HSD17B12: variants seen among roughly 807,000 people sequenced by gnomAD.
HSD17B12 encodes the protein hydroxysteroid 17-beta dehydrogenase 12, also known as very-long-chain 3-oxoacyl-CoA reductase.
HSD17B12 carries 32 observed loss-of-function variants against 39.3 expected under a neutral mutation model. The observed-to-expected ratio is 0.81, with a 90% CI of 0.61 to 1.09. The LOEUF is 1.09. HSD17B12 is among the 50% of genes least tolerant of loss of function. The probability of loss-of-function intolerance (pLI) is 0.00; values close to 1 mark genes in which losing one functional copy is unlikely to be tolerated. For synonymous variants in HSD17B12, 150 were observed against 146.7 expected (o/e 1.02, Z -0.16); for missense variants, 342 against 382.9 (o/e 0.89, Z 0.89).
chr11:43,847,618 A>G (rs1249375894), intron 9 of HSD17B12, among the ~76,000 whole-genome samples: 1 of 151,018 alleles, frequency 6.6e-6, no homozygotes, highest in Non-Finnish European at 1.5e-5. Flanking sequence ...GAGACAGGAG[A>G]ATCACTTGAG....
intron 6 of HSD17B12, among the ~76,000 whole-genome samples, chr11:43,817,449 A>G (rs1399755419): frequency 6.6e-6 from 1 of 152,140 alleles, no homozygotes; most frequent in African/African-American, 2.4e-5. Context: ...GGTTTTTCCA[A>G]TGATATCTTT....
chr11:43,623,865 A>G, the HSD17B12 span, among the ~76,000 whole-genome samples: 1 of 152,048 alleles, frequency 6.6e-6, no homozygotes, highest in Non-Finnish European at 1.5e-5. Context: ...CCTCAGATAC[A>G]AGCCATCAGT....
chr11:43,628,497 C>A, the HSD17B12 span, among the ~76,000 whole-genome samples: 1 of 152,068 alleles, frequency 6.6e-6, no homozygotes, highest in Non-Finnish European at 1.5e-5. Context: ...TGTACTAATA[C>A]AGATTTGGTT....
chr11:43,727,225 C>A (rs1590698140), intron 1 of HSD17B12, among the ~76,000 whole-genome samples: 1 of 152,160 alleles, frequency 6.6e-6, no homozygotes, highest in Non-Finnish European at 1.5e-5. Flanking sequence ...GACTGAGTAG[C>A]CCTTGTCGGA....
At chr11:43,584,746 A>G in the HSD17B12 span, 1 of 152,184 alleles carries the variant, frequency 6.6e-6, no homozygotes, top group African/African-American at 2.4e-5. Flanking sequence ...CATACTTCCC[A>G]CTTGATGATG....
chr11:43,577,695 C>G, the HSD17B12 span, among the ~76,000 whole-genome samples: 11 of 152,080 alleles, frequency 7.2e-5, no homozygotes, highest in African/African-American at 2.7e-4. Context: ...CCCCCCTTTT[C>G]GCATGCTAGT....
At chr11:43,650,954 G>A in the HSD17B12 span, among the ~76,000 whole-genome samples, 3 of 152,194 alleles carry the variant, frequency 2.0e-5, no homozygotes, top group African/African-American at 4.8e-5. Context: ...GAAAAAACAG[G>A]ATCTATAGGG....
At chr11:43,734,020 A>G (rs1270225533) in intron 1 of HSD17B12, 7 of 741,670 alleles carry the variant, frequency 9.4e-6, no homozygotes, top group Middle Eastern at 4.6e-4. Flanking sequence ...TAGATTGTCA[A>G]TATCACACGG....
intron 3 of HSD17B12, 46 bp from the exon 4 acceptor site, chr11:43,798,274 A>G (rs759645998): frequency 1.4e-5 from 15 of 1,094,400 alleles, no homozygotes; most frequent in Admixed American, 1.7e-5. Context: ...ACTGCCATGT[A>G]CTAATTTTCC....
At chr11:43,595,195 G>A in the HSD17B12 span, among the ~76,000 whole-genome samples, 1 of 152,220 alleles carries the variant, frequency 6.6e-6, no homozygotes, top group African/African-American at 2.4e-5. Context: ...ATCTGAGGTA[G>A]GCTCCGCCGA....
At chr11:43,688,991 A>G (rs1949828358) in intron 1 of HSD17B12, among the ~76,000 whole-genome samples, 1 of 152,200 alleles carries the variant, frequency 6.6e-6, no homozygotes, top group Non-Finnish European at 1.5e-5. Flanking sequence ...GTTGAAACTA[A>G]GAAATAATTG....
chr11:43,586,918 C>T, the HSD17B12 span, among the ~76,000 whole-genome samples: 1 of 152,154 alleles, frequency 6.6e-6, no homozygotes, highest in African/African-American at 2.4e-5. Context: ...CACTTTCTGA[C>T]AACTTCTAAA....
At chr11:43,829,448 AT>A (rs1290731373) in intron 6 of HSD17B12, among the ~76,000 whole-genome samples, 1 of 152,060 alleles carries the variant, frequency 6.6e-6, no homozygotes, top group Non-Finnish European at 1.5e-5. Flanking sequence ...TTGTCTCATG[AT>A]TTTCTAGATA....
At chr11:43,584,697 A>C in the HSD17B12 span, 1 of 152,358 alleles carries the variant, frequency 6.6e-6, no homozygotes, top group Admixed American at 6.5e-5. Context: ...ATGTCAGCCC[A>C]TGGTTTCTTC....
At chr11:43,803,986 T>G (rs1219726234) in intron 4 of HSD17B12, among the ~76,000 whole-genome samples, 1 of 152,206 alleles carries the variant, frequency 6.6e-6, no homozygotes, top group Non-Finnish European at 1.5e-5. Context: ...CAGATTGGTT[T>G]GGAGGACTTT....
chr11:43,637,217 CTT>C, the HSD17B12 span, among the ~76,000 whole-genome samples: 54 of 109,454 alleles, frequency 4.9e-4, no homozygotes, highest in African/African-American at 8.0e-4. Context: ...GGTGTTTTTC[CTT>C]TTTTTTTTTT....
At chr11:43,764,467 T>C (rs2134972135) in intron 3 of HSD17B12, among the ~76,000 whole-genome samples, 1 of 152,270 alleles carries the variant, frequency 6.6e-6, no homozygotes, top group Admixed American at 6.5e-5. Context: ...AAAGAGAGAA[T>C]TGATGGGCAG....
At chr11:43,583,132 C>CTGAA in the HSD17B12 span, among the ~76,000 whole-genome samples, 1 of 152,194 alleles carries the variant, frequency 6.6e-6, no homozygotes, top group South Asian at 2.1e-4. Flanking sequence ...CTCCCAAAGC[C>CTGAA]TGAACCTTCA....
chr11:43,564,405 A>C, the HSD17B12 span, among the ~76,000 whole-genome samples: 4 of 152,246 alleles, frequency 2.6e-5, no homozygotes, highest in Admixed American at 1.3e-4. Flanking sequence ...GGACAAGGGA[A>C]GATCAAAATA....
Sources: allele counts gnomAD v4.1 joint callset (sites outside exome capture counted in the v4.1 genomes callset), GRCh38; gene constraint gnomAD v4.1.1; transcripts MANE v1.5; gene names NCBI Gene and HGNC (gene_info 2026-07-23, HGNC 2026-07-21).